ZFPM2: variants seen among roughly 807,000 people sequenced by gnomAD.
ZFPM2 encodes zinc finger protein, FOG family member 2, also known as zinc finger protein ZFPM2.
ZFPM2 carries 20 observed loss-of-function variants against 98.6 expected under a neutral mutation model. The observed-to-expected ratio is 0.20, with a 90% CI of 0.14 to 0.29. The LOEUF is 0.29. ZFPM2 is among the 10% of genes least tolerant of loss of function. The probability of loss-of-function intolerance (pLI) is 1.00; values close to 1 mark genes in which losing one functional copy is unlikely to be tolerated. For missense variants in ZFPM2, 1,310 were observed against 1,388.6 expected (o/e 0.94, Z 0.90); for synonymous variants, 518 against 502.7 (o/e 1.03, Z -0.41).
At chr8:105,646,428 A>G (rs1486639383) in intron 5 of ZFPM2, among the ~76,000 whole-genome samples, 3 of 152,136 alleles carry the variant, frequency 2.0e-5, no homozygotes, top group Admixed American at 2.0e-4. Flanking sequence ...GATGAGGGGT[A>G]TGATGAGGCA....
intron 4 of ZFPM2, among the ~76,000 whole-genome samples, chr8:105,631,044 A>C (rs1471849655): frequency 6.6e-6 from 1 of 152,212 alleles, no homozygotes; most frequent in Non-Finnish European, 1.5e-5. Flanking sequence ...GCCACCTACC[A>C]GCATTTGACC....
At chr8:105,542,458 T>A (rs1814598153) in intron 3 of ZFPM2, among the ~76,000 whole-genome samples, 1 of 152,198 alleles carries the variant, frequency 6.6e-6, no homozygotes, top group Admixed American at 6.6e-5. Flanking sequence ...CTTAAATATT[T>A]ACAGTTGTCT....
At chr8:105,329,349 G>T (rs751181681) in intron 1 of ZFPM2, among the ~76,000 whole-genome samples, 1 of 151,762 alleles carries the variant, frequency 6.6e-6, no homozygotes, top group Non-Finnish European at 1.5e-5. Context: ...TTAGGTCCAG[G>T]TCCTAACATT....
At chr8:105,755,660 A>T (rs761585453) in intron 5 of ZFPM2, among the ~76,000 whole-genome samples, 39 of 152,262 alleles carry the variant, frequency 2.6e-4, no homozygotes, top group South Asian at 6.2e-4. Context: ...ATTTGGCTGC[A>T]AAACATCTTA....
chr8:105,383,665 C>G (rs1186349260), intron 1 of ZFPM2, among the ~76,000 whole-genome samples: 1 of 152,080 alleles, frequency 6.6e-6, no homozygotes, highest in Non-Finnish European at 1.5e-5. Context: ...ACATCTTAGT[C>G]TTAGTGGTCC....
At chr8:105,682,112 A>G (rs1810619890) in intron 5 of ZFPM2, among the ~76,000 whole-genome samples, 2 of 152,226 alleles carry the variant, frequency 1.3e-5, no homozygotes, top group Admixed American at 6.5e-5. Context: ...GAATAATTAA[A>G]GCTACATATC....
chr8:105,406,278 T>G (rs1811456872), intron 1 of ZFPM2, among the ~76,000 whole-genome samples: 2 of 152,144 alleles, frequency 1.3e-5, no homozygotes, highest in African/African-American at 4.8e-5. Context: ...CTCTTTAGTT[T>G]AATTAGATCC....
intron 1 of ZFPM2, among the ~76,000 whole-genome samples, chr8:105,330,557 T>TAC (rs1554594969): frequency 2.5e-5 from 3 of 120,816 alleles, no homozygotes; most frequent in Non-Finnish European, 5.0e-5. Flanking sequence ...TATATACATA[T>TAC]ATATATATAT....
At chr8:105,687,522 ATGTAAAC>A (rs1250650264) in intron 5 of ZFPM2, among the ~76,000 whole-genome samples, 2 of 152,222 alleles carry the variant, frequency 1.3e-5, no homozygotes, top group African/African-American at 4.8e-5. Context: ...TGTGAAGAAG[ATGTAAAC>A]TGTATAAATA....
intron 4 of ZFPM2, among the ~76,000 whole-genome samples, chr8:105,586,641 T>C (rs1815723344): frequency 6.6e-6 from 1 of 151,694 alleles, no homozygotes; most frequent in Non-Finnish European, 1.5e-5. Flanking sequence ...CAGGCTGCTC[T>C]TGGACTCCTG....
At chr8:105,497,002 A>AAAT (rs1452520417) in intron 3 of ZFPM2, among the ~76,000 whole-genome samples, 2 of 145,882 alleles carry the variant, frequency 1.4e-5, no homozygotes, top group Non-Finnish European at 3.0e-5. Flanking sequence ...AAAAAAAAAA[A>AAAT]AAGAGATGAG....
chr8:105,341,335 A>G (rs1171560068), intron 1 of ZFPM2, among the ~76,000 whole-genome samples: 1 of 151,954 alleles, frequency 6.6e-6, no homozygotes, highest in Non-Finnish European at 1.5e-5. Flanking sequence ...TGCACTGACA[A>G]TGACATGATT....
rs570917436 is a variant in ZFPM2 at position 105,468,499 on chromosome 8, G to A, written c.301+24118G>A. Among the ~76,000 whole-genome samples the A allele has an allele frequency of 2.2e-4, 33 of 152,048 alleles. 1 individual carries two copies. Among genetic ancestry groups the A allele is most frequent in the Admixed American group, 1.8e-3 (28 of 15,248 alleles). The stretch of plus-strand genomic sequence containing the variant: ...GCAACCTCAATGAGGACTCTACGCA[G>A]CTCCTGGCTTCATTTTCAGTAGTAC... On this transcript the variant is annotated intron_variant, in intron 3 of 7. Transcript: ENST00000407775.
At chr8:105,528,212 T>C (rs1172206383) in intron 3 of ZFPM2, among the ~76,000 whole-genome samples, 1 of 152,036 alleles carries the variant, frequency 6.6e-6, no homozygotes. Context: ...GATGAGTGGG[T>C]GTTTCAGTTG....
chr8:105,584,370 A>T (rs1336957704), intron 4 of ZFPM2, among the ~76,000 whole-genome samples: 1 of 152,140 alleles, frequency 6.6e-6, no homozygotes, highest in East Asian at 1.9e-4. Flanking sequence ...GCAAGAAAAA[A>T]ATATTTAAAG....
intron 3 of ZFPM2, among the ~76,000 whole-genome samples, chr8:105,472,699 G>A (rs530308477): frequency 6.6e-6 from 1 of 151,436 alleles, no homozygotes; most frequent in Admixed American, 6.6e-5. Flanking sequence ...TATTAGAGAC[G>A]GGGTTTCACC....
intron 4 of ZFPM2, among the ~76,000 whole-genome samples, chr8:105,595,763 A>G (rs1815956150): frequency 1.3e-5 from 2 of 152,026 alleles, no homozygotes; most frequent in African/African-American, 2.4e-5. Flanking sequence ...TTTTTTTGCC[A>G]ACATTTTTTA....
intron 7 of ZFPM2, among the ~76,000 whole-genome samples, chr8:105,800,303 A>T (rs1241192088): frequency 3.3e-5 from 5 of 152,162 alleles, no homozygotes; most frequent in African/African-American, 1.2e-4. Context: ...AGTCAATCTT[A>T]GTGATGCTTA....
chr8:105,318,913 G>GAGCCCCAGCGGC lies in ZFPM2; in HGVS notation c.-25_-14dup, dbSNP rs1167958036. On this transcript the variant is annotated 5_prime_UTR_variant, in exon 1 of 8. Transcript: ENST00000407775. Reference sequence around the variant, plus strand: ...GCAGCCGCGACCGCGGGCACCGCGGGAGCCCCAGCGGCAGCAGCCGCCGCC... The same window carrying GAGCCCCAGCGGC: ...GCAGCCGCGACCGCGGGCACCGCGGGAGCCCCAGCGGCAGCCCCAGCGGCAGCAGCCGCCGCC... 35 of 1,374,926 alleles carry GAGCCCCAGCGGC rather than the reference G, an allele frequency of 2.5e-5. No homozygotes were observed. The highest frequency in any genetic ancestry group is 5.4e-4 in the Middle Eastern group (2 of 3,728). 85.2% of individuals were successfully genotyped at this position (1,374,926 alleles called of 1,614,324 possible).
Sources: gnomAD v4.1 joint callset for allele counts (sites outside exome capture counted in the v4.1 genomes callset) on GRCh38, gnomAD v4.1.1 for gene constraint, MANE v1.5 for transcripts, NCBI Gene and HGNC (gene_info 2026-07-23, HGNC 2026-07-21) for gene names.